Variants in NDNF observed in about 807,000 individuals in gnomAD.
NDNF encodes the protein protein NDNF.
In NDNF, 16 loss-of-function variants were observed where a neutral mutation model predicts 42.0. The ratio of observed to expected loss-of-function variants is 0.38; its 90% CI spans 0.26 to 0.58. The LOEUF (loss-of-function observed/expected upper bound fraction) is 0.58, where lower values mean the gene tolerates loss of function less well. Among genes scored for constraint, NDNF ranks in the 20% least tolerant of loss-of-function variants. The pLI is 0.67. For missense variants in NDNF, 616 were observed against 666.2 expected, an observed-to-expected ratio of 0.92 and a Z score of 0.83; for synonymous variants, 248 against 251.7, an observed-to-expected ratio of 0.99 and a Z score of 0.14.
chr4:121,047,327 T>A (rs1007798365), intron 1 of NDNF, among the ~76,000 whole-genome samples: 2 of 152,244 alleles, frequency 1.3e-5, no homozygotes, highest in Non-Finnish European at 2.9e-5. Context: ...ATACAAAATA[T>A]CTGCAGTGAT....
rs1355867475 is a variant in NDNF, at chr4:121,045,747, G to T, written c.91C>A (p.Gln31Lys). ...AATGCCTTGTCCCGGATCTGCATCT[G>T]AAAAAGTTCCTCATCCCGGGTGGGT... is the stretch of plus-strand genomic sequence containing the variant. ...KLPTRDEELF[Q>K]MQIRDKAFFH... The change falls in exon 2 of 4, where the codon CAG (glutamine) becomes AAG (lysine). Residue 31 changes from glutamine (Q) to lysine (K), a missense_variant. Physicochemically the swap from Gln to Lys is moderately conservative, Grantham distance 53. Coordinates refer to ENST00000379692, the MANE Select transcript of NDNF (RefSeq NM_024574.4). 6.2e-7 allele frequency: 1 copy of T among 1,614,058 alleles called. No individual in the cohort carries two copies. Among genetic ancestry groups the T allele is most frequent in the Non-Finnish European group, 8.5e-7 (1 of 1,180,030 alleles).
chr4:121,063,061 T>C (rs899744881), intron 1 of NDNF, among the ~76,000 whole-genome samples: 1 of 152,166 alleles, frequency 6.6e-6, no homozygotes, highest in Non-Finnish European at 1.5e-5. Flanking sequence ...TGCTGAAATG[T>C]ACAGTTTCAT....
chr4:121,039,213 T>G (rs370758713), intron 3 of NDNF, among the ~76,000 whole-genome samples: 2 of 53,450 alleles, frequency 3.7e-5, no homozygotes, highest in African/African-American at 8.6e-5. Context: ...TATATATATA[T>G]ATATATATAT....
chr4:121,037,629 C>A lies in NDNF; in HGVS notation c.342G>T (p.Lys114Asn). The A allele has an allele frequency of 2.5e-6, 4 of 1,591,740 alleles. No individual in the cohort carries two copies. The highest frequency in any genetic ancestry group is 3.4e-6 in the Non-Finnish European group (4 of 1,173,398). ...SGDLEPLEQQ[K>N]QQIINEEGTE... ...TGCCTTCCTCATTAATGATCTGCTGCTTCTGCTGCTCAAGAGGTTCCAGAT... is the reference window on the plus strand; with the variant it reads ...TGCCTTCCTCATTAATGATCTGCTGATTCTGCTGCTCAAGAGGTTCCAGAT... Residue 114 changes from lysine (K) to asparagine (N), a missense_variant, in exon 4 of 4, where the codon AAG (lysine) becomes AAT (asparagine). Coordinates refer to ENST00000379692, the MANE Select transcript of NDNF (RefSeq NM_024574.4).
At chr4:121,071,766 C>T (rs374933289) in intron 1 of NDNF, 1,372 of 38,922 alleles carry the variant, frequency 0.035, 22 homozygotes, top group African/African-American at 0.092. Context: ...ACAACAACAA[C>T]AATAAAAAAA....
chr4:121,061,669 C>T (rs1727411405), intron 1 of NDNF, among the ~76,000 whole-genome samples: 2 of 152,104 alleles, frequency 1.3e-5, no homozygotes, highest in African/African-American at 4.8e-5. Context: ...CCCCACCATC[C>T]CCCCACCAAC....
intron 1 of NDNF, among the ~76,000 whole-genome samples, chr4:121,056,809 T>G (rs1727304323): frequency 6.6e-6 from 1 of 152,268 alleles, no homozygotes; most frequent in Non-Finnish European, 1.5e-5. Flanking sequence ...CCTTGGTGAT[T>G]CTACTGGCAA....
At chr4:121,058,983 A>G (rs1727350861) in intron 1 of NDNF, among the ~76,000 whole-genome samples, 1 of 151,558 alleles carries the variant, frequency 6.6e-6, no homozygotes, top group African/African-American at 2.4e-5. Flanking sequence ...ATTTCCTACA[A>G]GCTCCTCACC....
At chr4:121,039,147 A>G (rs1020897484) in intron 3 of NDNF, among the ~76,000 whole-genome samples, 3 of 73,964 alleles carry the variant, frequency 4.1e-5, no homozygotes, top group African/African-American at 1.0e-4. Context: ...ATATATGTGT[A>G]TATATATATG....
chr4:121,037,270 T>C lies in NDNF; in HGVS notation c.701A>G (p.Asp234Gly), dbSNP rs201068063. ...TTTCGGTGCCATCATAAAAGCATCA[T>C]CTGCACTCAGTTTTGCTTCCACTGC... ...LCAVEAKLSA[D>G]DAFMMAPKPG... The change falls in exon 4 of 4, where the codon GAT becomes GGT. Residue 234 changes from aspartate to glycine, a missense_variant. By Grantham distance (94) the Asp-to-Gly change is moderately conservative. Transcript: ENST00000379692. 9.1e-5 allele frequency: 147 copies of C among 1,614,136 alleles called. 1 individual carries two copies. The African/African-American group carries it at 1.7e-3, about 19-fold the overall frequency.
chr4:121,045,649 C>T lies in NDNF; in HGVS notation c.188+1G>A, dbSNP rs763560330. 3.1e-6 allele frequency: 5 copies of T among 1,612,378 alleles called. No individual in the cohort carries two copies. In the African/African-American group the frequency reaches 5.3e-5, roughly 17 times the overall value. On this transcript the variant is annotated splice_donor_variant, in intron 2 of 3. Coordinates refer to ENST00000379692, the MANE Select transcript of NDNF (RefSeq NM_024574.4). LOFTEE classifies it high-confidence loss of function. ...TAAAGAAAATACTGCAGGGAGAATA[C>T]CTCTTAGGTGTATCTCTAAAGAGAT...
intron 3 of NDNF, chr4:121,037,873 C>A (rs978213289): frequency 2.0e-5 from 8 of 405,132 alleles, no homozygotes; most frequent in Non-Finnish European, 3.5e-5. Context: ...TAAATTATTT[C>A]TTCAGAGCAG....
chr4:121,055,030 T>C (rs1727261304), intron 1 of NDNF, among the ~76,000 whole-genome samples: 1 of 152,046 alleles, frequency 6.6e-6, no homozygotes, highest in Admixed American at 6.6e-5. Context: ...GAAGGGATCT[T>C]GCCACGTTGC....
chr4:121,063,450 AAC>A (rs374632297), intron 1 of NDNF, among the ~76,000 whole-genome samples: 21 of 150,254 alleles, frequency 1.4e-4, no homozygotes, highest in Non-Finnish European at 1.9e-4. Context: ...TGTGCACATA[AAC>A]ACACACACAC....
At chr4:121,039,726 A>G (rs1347708301) in intron 3 of NDNF, among the ~76,000 whole-genome samples, 1 of 152,088 alleles carries the variant, frequency 6.6e-6, no homozygotes, top group Admixed American at 6.6e-5. Flanking sequence ...CAATCCCTGT[A>G]CCTGTCTCTC....
chr4:121,066,099 T>C (rs566825249), intron 1 of NDNF, among the ~76,000 whole-genome samples: 27 of 152,272 alleles, frequency 1.8e-4, no homozygotes, highest in Admixed American at 7.8e-4. Context: ...ATCTGTTAGT[T>C]CTATTAGTAT....
chr4:121,037,171 C>G lies in NDNF; in HGVS notation c.800G>C (p.Ser267Thr). Residue 267 changes from serine (S) to threonine (T), a missense_variant, in exon 4 of 4, where the codon AGT becomes ACT. By Grantham distance (58) the Ser-to-Thr change is moderately conservative (BLOSUM62 1). Transcript: ENST00000379692. ...FPSDNSGKER[S>T]FQAKPSPKLG... Reference sequence around the variant, plus strand: ...TTTTGGAGAAGGCTTTGCCTGGAAACTGCGTTCTTTACCTGAATTATCAGA... The same window carrying G: ...TTTTGGAGAAGGCTTTGCCTGGAAAGTGCGTTCTTTACCTGAATTATCAGA... 1 of 1,614,012 alleles carries G rather than the reference C, an allele frequency of 6.2e-7. No homozygotes were observed. Among genetic ancestry groups the G allele is most frequent in the Non-Finnish European group, 8.5e-7 (1 of 1,180,026 alleles).
At chr4:121,051,047 A>C (rs1227644432) in intron 1 of NDNF, among the ~76,000 whole-genome samples, 2 of 152,164 alleles carry the variant, frequency 1.3e-5, no homozygotes, top group Non-Finnish European at 1.5e-5. Flanking sequence ...AAACATTATG[A>C]GTTCAATCAG....
chr4:121,045,596 T>A, intron 2 of NDNF, 54 bp downstream of exon 2: 1 of 1,471,558 alleles, frequency 6.8e-7, no homozygotes, highest in Non-Finnish European at 9.4e-7. Context: ...ACTCTCTTTT[T>A]TGGAGGCATC....
Sources: allele counts gnomAD v4.1 joint callset (sites outside exome capture counted in the v4.1 genomes callset), GRCh38; gene constraint gnomAD v4.1.1; transcripts MANE v1.5; gene names NCBI Gene and HGNC (gene_info 2026-07-23, HGNC 2026-07-21).